Variants in CACNA1C observed in about 807,000 individuals in gnomAD.
CACNA1C encodes calcium voltage-gated channel subunit alpha1 C, also known as voltage-dependent L-type calcium channel subunit alpha-1C.
CACNA1C carries 30 observed loss-of-function variants against 229.0 expected under a neutral mutation model. The ratio of observed to expected loss-of-function variants is 0.13; its 90% CI spans 0.10 to 0.18. The LOEUF (loss-of-function observed/expected upper bound fraction) is 0.18. Among genes scored for constraint, CACNA1C ranks in the 10% least tolerant of loss-of-function variants. The pLI is 1.00. For synonymous variants in CACNA1C, 1,114 were observed against 1,132.5 expected (o/e 0.98, Z 0.33); for missense variants, 1,658 against 2,845.0 (o/e 0.58, Z 9.49).
intron 18 of CACNA1C, among the ~76,000 whole-genome samples, chr12:2,592,875 T>C (rs1000662729): frequency 1.3e-5 from 2 of 152,066 alleles, no homozygotes; most frequent in African/African-American, 4.8e-5. Flanking sequence ...TGCCCTGTCC[T>C]ACCTGGTCAC....
At chr12:2,339,204 T>C (rs1435072983) in intron 3 of CACNA1C, among the ~76,000 whole-genome samples, 3 of 152,388 alleles carry the variant, frequency 2.0e-5, no homozygotes, top group South Asian at 4.1e-4. Context: ...AGCATGCCAC[T>C]GTACTTCAGT....
chr12:1,979,274 A>G (rs999245746), intron 1 of CACNA1C, among the ~76,000 whole-genome samples: 1 of 151,330 alleles, frequency 6.6e-6, no homozygotes, highest in South Asian at 2.1e-4. Context: ...TCGGCCTCCC[A>G]AAGTGTTGGG....
chr12:2,516,671 A>G (rs747191676), intron 9 of CACNA1C, among the ~76,000 whole-genome samples: 11 of 152,182 alleles, frequency 7.2e-5, no homozygotes, highest in Non-Finnish European at 1.3e-4. Context: ...CGATGGCAAG[A>G]GGGGAATTGT....
intron 3 of CACNA1C, among the ~76,000 whole-genome samples, chr12:2,357,650 G>A (rs1368017153): frequency 4.3e-5 from 6 of 140,732 alleles, no homozygotes; most frequent in Non-Finnish European, 7.6e-5. Context: ...TTATTTGTTT[G>A]GGTTTTTTTT....
intron 3 of CACNA1C, among the ~76,000 whole-genome samples, chr12:2,386,967 C>T (rs1389323100): frequency 6.6e-6 from 1 of 152,206 alleles, no homozygotes; most frequent in Non-Finnish European, 1.5e-5. Flanking sequence ...ACATTCTGAG[C>T]TTGCTGCTGC....
intron 1 of CACNA1C, among the ~76,000 whole-genome samples, chr12:2,010,184 A>G (rs564824367): frequency 1.3e-5 from 2 of 152,258 alleles, no homozygotes; most frequent in Non-Finnish European, 2.9e-5. Flanking sequence ...AGGGCAGCAC[A>G]TTCCCAATAT....
chr12:2,521,562 C>T (rs1319002750), intron 9 of CACNA1C, among the ~76,000 whole-genome samples: 1 of 152,230 alleles, frequency 6.6e-6, no homozygotes, highest in Non-Finnish European at 1.5e-5. Flanking sequence ...AAACCAGCAT[C>T]TTCCGAGCCC....
intron 3 of CACNA1C, among the ~76,000 whole-genome samples, chr12:2,417,790 C>G (rs2098928890): frequency 6.6e-6 from 1 of 152,092 alleles, no homozygotes; most frequent in African/African-American, 2.4e-5. Context: ...AGATTTTGGG[C>G]AGGAGACTTT....
At chr12:1,996,127 T>C (rs1165762997) in intron 1 of CACNA1C, among the ~76,000 whole-genome samples, 2 of 152,202 alleles carry the variant, frequency 1.3e-5, no homozygotes, top group African/African-American at 4.8e-5. Context: ...CATCATTTCA[T>C]ATCTACCCCA....
intron 9 of CACNA1C, among the ~76,000 whole-genome samples, chr12:2,521,954 G>T (rs1463014038): frequency 6.6e-6 from 1 of 152,216 alleles, no homozygotes. Flanking sequence ...ACCTGTCCCA[G>T]CCAATAGCTT....
intron 3 of CACNA1C, among the ~76,000 whole-genome samples, chr12:2,444,826 C>A (rs1163000632): frequency 2.0e-5 from 3 of 152,164 alleles, no homozygotes; most frequent in Admixed American, 6.5e-5. Context: ...ACCTACATCT[C>A]ACCAATCCCA....
At chr12:2,124,109 C>CGTGTGTGT (rs36202591) in intron 3 of CACNA1C, among the ~76,000 whole-genome samples, 33 of 145,622 alleles carry the variant, frequency 2.3e-4, no homozygotes, top group South Asian at 4.6e-4. Flanking sequence ...TGGTCTAGCT[C>CGTGTGTGT]GTGTGTGTGT....
chr12:2,076,730 C>T (rs770585167), intron 1 of CACNA1C, among the ~76,000 whole-genome samples: 5 of 152,152 alleles, frequency 3.3e-5, no homozygotes, highest in Admixed American at 2.6e-4. Flanking sequence ...GGAACCATTG[C>T]TGTTTTTAAT....
chr12:2,083,668 G>A (rs2066500529), intron 1 of CACNA1C, among the ~76,000 whole-genome samples: 1 of 152,198 alleles, frequency 6.6e-6, no homozygotes, highest in South Asian at 2.1e-4. Flanking sequence ...CAATACAAAT[G>A]TAAGGCATTG....
At chr12:2,297,978 C>G (rs1034866995) in intron 3 of CACNA1C, among the ~76,000 whole-genome samples, 5 of 152,172 alleles carry the variant, frequency 3.3e-5, no homozygotes. Flanking sequence ...TTCAGAGGAC[C>G]TCAGCAGTTC....
intron 29 of CACNA1C, among the ~76,000 whole-genome samples, chr12:2,627,480 A>T (rs1046873656): frequency 7.9e-5 from 12 of 151,982 alleles, no homozygotes; most frequent in African/African-American, 2.9e-4. Flanking sequence ...TCCCCGGTTC[A>T]TTCGGCTCTC....
intron 3 of CACNA1C, among the ~76,000 whole-genome samples, chr12:2,268,431 A>G (rs185312641): frequency 5.3e-5 from 8 of 152,214 alleles, no homozygotes; most frequent in Non-Finnish European, 1.2e-4. Flanking sequence ...GATTTCATGG[A>G]TTAACTCCCT....
intron 1 of CACNA1C, among the ~76,000 whole-genome samples, chr12:1,974,014 G>C (rs1292913597): frequency 6.6e-6 from 1 of 152,058 alleles, no homozygotes; most frequent in East Asian, 1.9e-4. Flanking sequence ...TAGTAAAAAA[G>C]GTAATAAATT....
At chr12:2,103,898 A>G (rs1024252372) in intron 1 of CACNA1C, among the ~76,000 whole-genome samples, 3 of 152,014 alleles carry the variant, frequency 2.0e-5, no homozygotes, top group African/African-American at 4.8e-5. Context: ...GATGTGTGGC[A>G]TTATTTCTGA....
Sources: allele counts gnomAD v4.1 joint callset (sites outside exome capture counted in the v4.1 genomes callset), GRCh38; gene constraint gnomAD v4.1.1; transcripts MANE v1.5; gene names NCBI Gene and HGNC (gene_info 2026-07-23, HGNC 2026-07-21).